The following FNIP2 variants were observed in gnomAD, a reference collection of about 807,000 sequenced individuals.
FNIP2 encodes the protein folliculin-interacting protein 2.
A neutral mutation model predicts 108.7 loss-of-function variants in FNIP2; 32 were observed. That is an observed-to-expected ratio of 0.29 (90% CI 0.22 to 0.40). The LOEUF is 0.40. Among genes scored for constraint, FNIP2 ranks in the 10% least tolerant of loss-of-function variants. FNIP2 has a pLI of 1.00. For missense variants in FNIP2, 1,202 were observed against 1,381.6 expected (o/e 0.87, Z 2.06); for synonymous variants, 480 against 496.7 (o/e 0.97, Z 0.45).
intron 1 of FNIP2, among the ~76,000 whole-genome samples, chr4:158,779,521 T>G (rs922384090): frequency 6.6e-5 from 10 of 151,642 alleles, no homozygotes; most frequent in Admixed American, 2.0e-4. Flanking sequence ...AAAGAACAGT[T>G]GACATTATGG....
chr4:158,860,059 C>T lies in FNIP2; in HGVS notation c.1148+393C>T, dbSNP rs114737023. ...GCACAGATGGAGAGGTTATGCATGT[C>T]GGGAAGACATACATTCCAGTTTGCC... On this transcript the variant is annotated intron_variant, in intron 10 of 16. Transcript: ENST00000264433. Among the ~76,000 whole-genome samples the T allele has an allele frequency of 2.8e-3, 423 of 152,280 alleles. 1 individual carries two copies. The highest frequency in any genetic ancestry group is 8.5e-3 in the South Asian group (41 of 4,830).
At chr4:158,801,212 T>C (rs1434986547) in intron 1 of FNIP2, among the ~76,000 whole-genome samples, 1 of 151,996 alleles carries the variant, frequency 6.6e-6, no homozygotes, top group Non-Finnish European at 1.5e-5. Flanking sequence ...TAGGGGCCGG[T>C]GTGCTTGGCT....
intron 1 of FNIP2, chr4:158,808,495 A>C (rs988450285): frequency 6.6e-6 from 1 of 152,166 alleles, no homozygotes; most frequent in Non-Finnish European, 1.5e-5. Context: ...ATCTCTAGTC[A>C]GACAATGTGC....
rs755757508 is a variant in FNIP2, at chr4:158,868,183, G to A, written c.1547G>A (p.Arg516Gln). The A allele has an allele frequency of 5.0e-6, 8 of 1,614,020 alleles. No homozygotes were observed. Among genetic ancestry groups the A allele is most frequent in the East Asian group, 2.2e-5 (1 of 44,890 alleles). Residue 516 changes from arginine to glutamine, a missense_variant, in exon 13 of 17, where the codon CGA (arginine) becomes CAA (glutamine). Transcript: ENST00000264433. The surrounding 1 kb of genome is among the most constrained non-coding windows in gnomAD (Gnocchi z 4.6). ...VVGKQKDLVQ[R>Q]ILYVLTYFLR... The stretch of plus-strand genomic sequence containing the variant: ...GGGAAGCAGAAGGACTTAGTCCAGC[G>A]AATACTTTATGTCCTGACCTACTTT...
intron 3 of FNIP2, among the ~76,000 whole-genome samples, chr4:158,829,756 G>T (rs1438922666): frequency 6.6e-6 from 1 of 151,730 alleles, no homozygotes; most frequent in African/African-American, 2.4e-5. Flanking sequence ...AGGGGTTAAG[G>T]TTATTGAGAA....
rs1193287894 is a variant in FNIP2, at chr4:158,868,209, C to T, written c.1573C>T (p.Leu525Phe). Reference sequence around the variant, plus strand: ...AATACTTTATGTCCTGACCTACTTTCTCCGTTGCTCTGAGCTACAAGAGAA... The same window carrying T: ...AATACTTTATGTCCTGACCTACTTTTTCCGTTGCTCTGAGCTACAAGAGAA... ...QRILYVLTYF[L>F]RCSELQENQL... Residue 525 changes from leucine (L) to phenylalanine (F), a missense_variant, in exon 13 of 17, where the codon CTC becomes TTC. Transcript: ENST00000264433. This position sits in a 1 kb window ranked among gnomAD's most constrained non-coding sequence, Gnocchi z 4.6. 2 of 1,613,952 alleles carry T rather than the reference C, an allele frequency of 1.2e-6. No homozygotes were observed. The highest frequency in any genetic ancestry group is 2.2e-5 in the East Asian group (1 of 44,894).
intron 14 of FNIP2, among the ~76,000 whole-genome samples, chr4:158,883,246 T>A (rs1031590125): frequency 2.0e-4 from 30 of 151,854 alleles, no homozygotes; most frequent in African/African-American, 6.8e-4. Context: ...GTTTTTTGTT[T>A]TTTTTGTTTT....
intron 7 of FNIP2, among the ~76,000 whole-genome samples, chr4:158,840,184 G>A (rs541675456): frequency 2.0e-5 from 3 of 152,298 alleles, no homozygotes; most frequent in South Asian, 2.1e-4. Context: ...CTGAGAAAGC[G>A]AGTGGAAGGT....
intron 1 of FNIP2, among the ~76,000 whole-genome samples, chr4:158,779,768 G>C (rs569045343): frequency 8.8e-5 from 13 of 148,346 alleles, no homozygotes; most frequent in African/African-American, 3.0e-4. Context: ...AGACGGGAGC[G>C]GGGGTGGTCT....
intron 12 of FNIP2, among the ~76,000 whole-genome samples, chr4:158,862,036 C>T (rs182682177): frequency 1.1e-3 from 170 of 152,252 alleles, no homozygotes; most frequent in Middle Eastern, 3.4e-3. Flanking sequence ...GGCTGTTCAC[C>T]CTAGAGCAGG....
At chr4:158,876,894 T>C (rs568995550) in intron 14 of FNIP2, among the ~76,000 whole-genome samples, 1 of 152,366 alleles carries the variant, frequency 6.6e-6, no homozygotes, top group East Asian at 1.9e-4. Flanking sequence ...GTGTTCATTG[T>C]CGTTACCTAA....
chr4:158,902,398 C>A (rs904944645), intron 16 of FNIP2, among the ~76,000 whole-genome samples: 1 of 152,204 alleles, frequency 6.6e-6, no homozygotes, highest in African/African-American at 2.4e-5. Flanking sequence ...CCAGCCAGAG[C>A]TCTCCTGTAT....
chr4:158,889,795 T>TTCA, intron 14 of FNIP2: 1 of 976,668 alleles, frequency 1.0e-6, no homozygotes, highest in Non-Finnish European at 1.2e-6. Flanking sequence ...ATTTGAAGTG[T>TTCA]TCAAATTTCC....
chr4:158,859,777 T>C, intron 10 of FNIP2, 111 bp downstream of exon 10: 1 of 909,640 alleles, frequency 1.1e-6, no homozygotes, highest in Non-Finnish European at 1.7e-6. Flanking sequence ...TCCTCACTTT[T>C]GTGGTTCCGC....
At chr4:158,879,520 A>C (rs1179607836) in intron 14 of FNIP2, among the ~76,000 whole-genome samples, 1 of 150,372 alleles carries the variant, frequency 6.7e-6, no homozygotes, top group Non-Finnish European at 1.5e-5. Flanking sequence ...CATATCTCAG[A>C]GCTGGCTTTG....
intron 1 of FNIP2, among the ~76,000 whole-genome samples, chr4:158,792,571 A>C (rs1290624867): frequency 6.6e-6 from 1 of 152,230 alleles, no homozygotes. Context: ...AACAATATGC[A>C]TGAAATAGGG....
chr4:158,891,547 C>T lies in FNIP2; in HGVS notation c.3051C>T (p.Asp1017=), dbSNP rs767501248. Residue 1017 remains aspartate, a synonymous_variant, in exon 15 of 17, where the codon GAC becomes GAT. Coordinates refer to ENST00000264433, the MANE Select transcript of FNIP2 (RefSeq NM_020840.3). ...QVATSQRKVT[D]NMKLGQDVLV... is the part of the protein sequence containing the mutation. ...CTACAAGTCAGAGGAAAGTGACGGACAACATGAAACTAGGCCAGGATGTCC... is the reference window on the plus strand; with the variant it reads ...CTACAAGTCAGAGGAAAGTGACGGATAACATGAAACTAGGCCAGGATGTCC... 7.4e-6 allele frequency: 12 copies of T among 1,611,568 alleles called. No homozygotes were observed. The South Asian group carries it at 9.9e-5, about 13-fold the overall frequency.
At chr4:158,841,967 A>G (rs569463954) in intron 7 of FNIP2, among the ~76,000 whole-genome samples, 3 of 152,266 alleles carry the variant, frequency 2.0e-5, no homozygotes, top group Non-Finnish European at 2.9e-5. Context: ...GTAATAAACT[A>G]TCCAAATCTA....
At chr4:158,903,208 C>G (rs1011621188) in intron 16 of FNIP2, among the ~76,000 whole-genome samples, 15 of 152,148 alleles carry the variant, frequency 9.9e-5, no homozygotes, top group African/African-American at 3.1e-4. Flanking sequence ...GAGTTCCTCA[C>G]GGCTTCCCTT....
Sources: allele counts gnomAD v4.1 joint callset (sites outside exome capture counted in the v4.1 genomes callset), GRCh38; gene constraint gnomAD v4.1.1; non-coding constraint Gnocchi (gnomAD v3.1); transcripts MANE v1.5; gene names NCBI Gene and HGNC (gene_info 2026-07-23, HGNC 2026-07-21).